Variants in COL25A1 observed in about 807,000 individuals in gnomAD.
The protein encoded by COL25A1 is collagen alpha-1(XXV) chain.
A neutral mutation model predicts 128.4 loss-of-function variants in COL25A1; 103 were observed. The ratio of observed to expected loss-of-function variants is 0.80; its 90% confidence interval spans 0.68 to 0.94. The LOEUF is 0.94. Among genes scored for constraint, COL25A1 ranks in the 40% least tolerant of loss-of-function variants. COL25A1 has a pLI of 0.00. For missense variants in COL25A1, 745 were observed against 840.0 expected (o/e 0.89, Z 1.40); for synonymous variants, 279 against 277.2 (o/e 1.01, Z -0.06).
intron 3 of COL25A1, among the ~76,000 whole-genome samples, chr4:109,171,623 T>A (rs1773596831): frequency 6.6e-6 from 1 of 152,216 alleles, no homozygotes; most frequent in Non-Finnish European, 1.5e-5. Flanking sequence ...AACTCTTCTA[T>A]CACAGTTATT....
At chr4:109,264,418 T>A (rs1455338129) in intron 3 of COL25A1, among the ~76,000 whole-genome samples, 2 of 152,134 alleles carry the variant, frequency 1.3e-5, no homozygotes, top group African/African-American at 2.4e-5. Context: ...GGGAAACTCA[T>A]TGGTAGCTGT....
intron 3 of COL25A1, among the ~76,000 whole-genome samples, chr4:109,272,437 A>G (rs1782259297): frequency 6.6e-6 from 1 of 152,156 alleles, no homozygotes; most frequent in African/African-American, 2.4e-5. Flanking sequence ...GCTGGAAATC[A>G]TTTAATCCAA....
rs1319211239 is a variant in COL25A1 at position 108,813,753 on chromosome 4, C to T, written c.*174G>A. 5 of 552,824 alleles carry T rather than the reference C, an allele frequency of 9.0e-6. No individual in the cohort carries two copies. Among genetic ancestry groups the T allele is most frequent in the Admixed American group, 7.0e-5 (2 of 28,480 alleles). The allele number at this position is 552,824 out of a possible 1,614,324, so 34.2% of individuals were successfully genotyped here. ...GGATTCTCACTGGTTTCACAAATTG[C>T]CCAATTTCAGATGTAAGTGGAGTAA... On this transcript the variant is annotated 3_prime_UTR_variant, in exon 38 of 38. Transcript: ENST00000399132.
At chr4:109,042,441 C>T (rs1760006319) in intron 5 of COL25A1, among the ~76,000 whole-genome samples, 1 of 152,100 alleles carries the variant, frequency 6.6e-6, no homozygotes, top group East Asian at 1.9e-4. Flanking sequence ...TAAAACTCTA[C>T]CCCCAAACAG....
intron 13 of COL25A1, among the ~76,000 whole-genome samples, chr4:108,909,678 A>C (rs1042335478): frequency 2.0e-5 from 3 of 152,232 alleles, no homozygotes; most frequent in Admixed American, 2.0e-4. Context: ...AGATCACGAA[A>C]GATAGCTAAA....
intron 3 of COL25A1, among the ~76,000 whole-genome samples, chr4:109,148,670 CA>C (rs1008820740): frequency 2.7e-4 from 41 of 152,148 alleles, no homozygotes; most frequent in African/African-American, 9.4e-4. Flanking sequence ...TTCTCATTTA[CA>C]ATTTTGACCC....
At chr4:109,166,547 T>C (rs912529540) in intron 3 of COL25A1, among the ~76,000 whole-genome samples, 1 of 152,234 alleles carries the variant, frequency 6.6e-6, no homozygotes, top group Non-Finnish European at 1.5e-5. Context: ...GTGACTCTAC[T>C]GTATTTGGAG....
At chr4:108,862,575 G>T (rs1560766607) in intron 21 of COL25A1, 30 bp from the exon 22 acceptor site, 1 of 1,587,650 alleles carries the variant, frequency 6.3e-7, no homozygotes, top group Admixed American at 1.7e-5. Flanking sequence ...GGATGAAAAA[G>T]ATAAAATTAT....
chr4:108,968,605 A>AT (rs1751582787), intron 8 of COL25A1, among the ~76,000 whole-genome samples: 1 of 151,328 alleles, frequency 6.6e-6, no homozygotes, highest in Non-Finnish European at 1.5e-5. Flanking sequence ...AAGTGTGAGT[A>AT]TTTTTAAAGA....
At chr4:109,083,393 C>G (rs1363509827) in intron 3 of COL25A1, among the ~76,000 whole-genome samples, 2 of 148,586 alleles carry the variant, frequency 1.3e-5, no homozygotes, top group African/African-American at 2.5e-5. Context: ...TCTTCTTTAA[C>G]TGCTATTTAG....
chr4:109,184,054 T>C (rs1413644944), intron 3 of COL25A1, among the ~76,000 whole-genome samples: 2 of 152,134 alleles, frequency 1.3e-5, no homozygotes, highest in Non-Finnish European at 2.9e-5. Context: ...ACAATGTTGT[T>C]ATTGTCTTCC....
At chr4:109,101,551 A>G (rs4489003) in intron 3 of COL25A1, among the ~76,000 whole-genome samples, 35,507 of 152,078 alleles carry the variant, frequency 0.23, 5,396 homozygotes, top group African/African-American at 0.41. Context: ...TGTACGAAAG[A>G]AAAAATCCTC....
intron 27 of COL25A1, 60 bp from the exon 28 acceptor site, chr4:108,846,279 C>T: frequency 1.1e-6 from 1 of 933,758 alleles, no homozygotes; most frequent in Non-Finnish European, 1.6e-6. Context: ...TAATTACATC[C>T]TAGGGAAAAC....
At position 109,012,869 on chromosome 4, in the gene COL25A1, G is replaced by A. The variant is rs118049000; in HGVS notation, c.421-2494C>T. 1.3e-3 allele frequency among the ~76,000 whole-genome samples: 198 copies of A among 152,336 alleles called. 2 individuals are homozygous for A. In the East Asian group the frequency reaches 0.033, roughly 25 times the overall value. Reference sequence around the variant, plus strand: ...GCTGAGGAGTGCAGGCGCGTGGCATGGAAATGGAGGGCAGCTCCGCCAGCA... The same window carrying A: ...GCTGAGGAGTGCAGGCGCGTGGCATAGAAATGGAGGGCAGCTCCGCCAGCA... On this transcript the variant is annotated intron_variant, in intron 5 of 37. Transcript: ENST00000399132.
intron 21 of COL25A1, 135 bp downstream of exon 21, chr4:108,863,184 A>G: frequency 1.2e-6 from 1 of 809,324 alleles, no homozygotes; most frequent in East Asian, 2.7e-5. Context: ...GAAAAGAACC[A>G]GTTGGTGTGC....
intron 3 of COL25A1, among the ~76,000 whole-genome samples, chr4:109,232,367 A>T (rs966568847): frequency 6.6e-6 from 1 of 152,144 alleles, no homozygotes; most frequent in Non-Finnish European, 1.5e-5. Flanking sequence ...ATGACTTTAG[A>T]TATTGAATGA....
At chr4:109,267,073 C>T (rs1254576631) in intron 3 of COL25A1, among the ~76,000 whole-genome samples, 8 of 152,052 alleles carry the variant, frequency 5.3e-5, no homozygotes. Flanking sequence ...AAACTGCAAC[C>T]AAGTCATGTC....
At chr4:109,033,087 A>G (rs372653976) in intron 5 of COL25A1, among the ~76,000 whole-genome samples, 43 of 152,382 alleles carry the variant, frequency 2.8e-4, no homozygotes, top group African/African-American at 9.6e-4. Flanking sequence ...CTGCTAAAGC[A>G]ATCTTTTGAA....
intron 9 of COL25A1, 139 bp downstream of exon 9, chr4:108,941,225 ATT>A: frequency 1.9e-6 from 1 of 522,898 alleles, no homozygotes; most frequent in Non-Finnish European, 3.4e-6. Flanking sequence ...ACTAAACTTA[ATT>A]TTGTTTGAGG....
Sources: gnomAD v4.1 joint callset for allele counts (sites outside exome capture counted in the v4.1 genomes callset) on GRCh38, gnomAD v4.1.1 for gene constraint, MANE v1.5 for transcripts, NCBI Gene and HGNC (gene_info 2026-07-23, HGNC 2026-07-21) for gene names.